The following PDE4D variants were observed in gnomAD, a reference collection of about 807,000 sequenced individuals.
PDE4D encodes phosphodiesterase 4D, also known as 3',5'-cyclic-AMP phosphodiesterase 4D.
PDE4D carries 24 observed loss-of-function variants against 87.4 expected under a neutral mutation model. That is an observed-to-expected ratio of 0.27 (90% CI 0.20 to 0.39). The LOEUF is 0.39. Ranked by LOEUF, PDE4D falls within the 10% of genes least tolerant of loss-of-function variation. The pLI, the probability that PDE4D is intolerant of heterozygous loss-of-function variation, is 1.00. For synonymous variants in PDE4D, 384 were observed against 383.2 expected (o/e 1.00, Z -0.02); for missense variants, 714 against 1,041.0 (o/e 0.69, Z 4.32).
chr5:59,484,778 C>G (rs1804822687), intron 1 of PDE4D, among the ~76,000 whole-genome samples: 1 of 152,190 alleles, frequency 6.6e-6, no homozygotes, highest in Admixed American at 6.5e-5. Flanking sequence ...TCAATTCTGA[C>G]AGTAACTGTC....
chr5:59,631,280 A>G lies in PDE4D; in HGVS notation c.455+261888T>C, dbSNP rs556037975. ...AAGTTCCCCAGCTAGTAAGTGCCAGAGAGTAGATTTGAACCCACCTGTGTT... is the reference window on the plus strand; with the variant it reads ...AAGTTCCCCAGCTAGTAAGTGCCAGGGAGTAGATTTGAACCCACCTGTGTT... On this transcript the variant is annotated intron_variant, in intron 1 of 14. Coordinates refer to ENST00000340635, the MANE Select transcript of PDE4D (RefSeq NM_001104631.2). Among the ~76,000 whole-genome samples, 12 of 152,274 alleles carry G rather than the reference A, an allele frequency of 7.9e-5. No homozygotes were observed. In the South Asian group the frequency reaches 2.5e-3, roughly 32 times the overall value.
chr5:58,978,190 G>C (rs1053742901), intron 11 of PDE4D, among the ~76,000 whole-genome samples: 1 of 152,144 alleles, frequency 6.6e-6, no homozygotes, highest in Non-Finnish European at 1.5e-5. Context: ...CGAGGCAGGA[G>C]GATTGCTTAA....
chr5:59,367,226 T>C (rs1376381804), intron 1 of PDE4D, among the ~76,000 whole-genome samples: 1 of 152,216 alleles, frequency 6.6e-6, no homozygotes, highest in Non-Finnish European at 1.5e-5. Context: ...AAAAAGTTAA[T>C]GTTAATACTT....
At chr5:59,705,843 G>T (rs1454579330) in intron 1 of PDE4D, among the ~76,000 whole-genome samples, 1 of 152,084 alleles carries the variant, frequency 6.6e-6, no homozygotes, top group Admixed American at 6.6e-5. Flanking sequence ...TTATCCTCTT[G>T]TAGGATCAAC....
intron 1 of PDE4D, among the ~76,000 whole-genome samples, chr5:60,341,512 C>A (rs1210844974): frequency 6.6e-6 from 1 of 152,154 alleles, no homozygotes; most frequent in Non-Finnish European, 1.5e-5. Context: ...GGTCACCACT[C>A]CCCAGGTGTG....
At chr5:59,473,786 T>A (rs1481875740) in intron 1 of PDE4D, among the ~76,000 whole-genome samples, 1 of 152,148 alleles carries the variant, frequency 6.6e-6, no homozygotes, top group Non-Finnish European at 1.5e-5. Flanking sequence ...GAAAGAATGA[T>A]GCAGACCACT....
At chr5:60,488,732 A>C (rs1749348137), upstream of PDE4D, among the ~76,000 whole-genome samples, 1 of 152,138 alleles carries the variant, frequency 6.6e-6, no homozygotes, top group African/African-American at 2.4e-5. Context: ...CTGAGACAGG[A>C]CAGGGATGGG....
chr5:59,322,073 G>T (rs1352272663), intron 1 of PDE4D, among the ~76,000 whole-genome samples: 1 of 152,108 alleles, frequency 6.6e-6, no homozygotes, highest in African/African-American at 2.4e-5. Context: ...ACTTAGCTGT[G>T]CAATCTTAGG....
chr5:60,014,091 TAAAAAAA>T (rs36035984), intron 2 of PDE4D, among the ~76,000 whole-genome samples: 2 of 96,460 alleles, frequency 2.1e-5, no homozygotes, highest in East Asian at 3.0e-4. Context: ...GACTCCACCT[TAAAAAAA>T]AAAAAAAAAA....
intron 1 of PDE4D, among the ~76,000 whole-genome samples, chr5:59,764,486 C>T (rs1762537387): frequency 6.6e-6 from 1 of 152,164 alleles, no homozygotes; most frequent in Admixed American, 6.5e-5. Flanking sequence ...TCTTTTCTAA[C>T]TGCTTTGGTG....
At chr5:59,461,182 A>T (rs977999143) in intron 1 of PDE4D, among the ~76,000 whole-genome samples, 20 of 149,654 alleles carry the variant, frequency 1.3e-4, no homozygotes, top group Admixed American at 5.4e-4. Context: ...AATTTTAGGT[A>T]AAAAAAAAAG....
chr5:60,099,621 T>G (rs937303770), intron 2 of PDE4D, among the ~76,000 whole-genome samples: 1 of 150,814 alleles, frequency 6.6e-6, no homozygotes, highest in South Asian at 2.1e-4. Flanking sequence ...GAAAAACAAA[T>G]GGTTATTAAA....
chr5:59,768,396 C>G (rs750594149), intron 1 of PDE4D: 1 of 1,598,376 alleles, frequency 6.3e-7, no homozygotes, highest in Non-Finnish European at 8.5e-7. Flanking sequence ...TCTCATGCTG[C>G]AACAGGTTTT....
intron 1 of PDE4D, among the ~76,000 whole-genome samples, chr5:59,452,960 T>C (rs1036551726): frequency 1.2e-4 from 18 of 150,572 alleles, no homozygotes; most frequent in Non-Finnish European, 2.4e-4. Context: ...GATGGCTTTT[T>C]TTTTTTTTTT....
chr5:59,481,723 C>A (rs1453217903), intron 1 of PDE4D, among the ~76,000 whole-genome samples: 1 of 151,934 alleles, frequency 6.6e-6, no homozygotes, highest in African/African-American at 2.4e-5. Flanking sequence ...TCGTTGTTCC[C>A]ATCACTGTCA....
At chr5:59,151,995 C>G (rs1057493182) in intron 5 of PDE4D, among the ~76,000 whole-genome samples, 1 of 151,958 alleles carries the variant, frequency 6.6e-6, no homozygotes, top group East Asian at 1.9e-4. Flanking sequence ...AGGAGAAGAT[C>G]GGAGAAAACA....
chr5:60,508,166 A>G (rs1428694511), intron 1 of PDE4D, among the ~76,000 whole-genome samples: 1 of 152,192 alleles, frequency 6.6e-6, no homozygotes, highest in African/African-American at 2.4e-5. Context: ...CACCTACTCT[A>G]TGGACAATAT....
At chr5:59,736,769 T>C (rs964677278) in intron 1 of PDE4D, among the ~76,000 whole-genome samples, 28 of 152,014 alleles carry the variant, frequency 1.8e-4, no homozygotes, top group African/African-American at 5.8e-4. Context: ...GGTTAAAAGG[T>C]ATGTGCAATA....
chr5:59,281,858 C>A (rs1442656728), intron 1 of PDE4D, among the ~76,000 whole-genome samples: 3 of 152,118 alleles, frequency 2.0e-5, no homozygotes, highest in Non-Finnish European at 4.4e-5. Flanking sequence ...CAGTTATGGT[C>A]TAGATGTCTC....
Sources: allele counts gnomAD v4.1 joint callset (sites outside exome capture counted in the v4.1 genomes callset), GRCh38; gene constraint gnomAD v4.1.1; transcripts MANE v1.5; gene names NCBI Gene and HGNC (gene_info 2026-07-23, HGNC 2026-07-21).